DCAF6: variants seen among roughly 807,000 people sequenced by gnomAD.
DCAF6 encodes DDB1- and CUL4-associated factor 6.
In DCAF6, 54 loss-of-function variants were observed where a neutral mutation model predicts 125.1. The observed-to-expected ratio is 0.43, with a 90% CI of 0.35 to 0.54. The LOEUF (loss-of-function observed/expected upper bound fraction) is 0.54, where lower values mean the gene tolerates loss of function less well. DCAF6 is among the 20% of genes least tolerant of loss of function. DCAF6 has a pLI of 0.01. For synonymous variants in DCAF6, 371 were observed against 390.4 expected, an observed-to-expected ratio of 0.95 and a Z score of 0.58; for missense variants, 934 against 1,161.7, an observed-to-expected ratio of 0.80 and a Z score of 2.85.
At chr1:168,039,659 T>C (rs144102125) in intron 13 of DCAF6, among the ~76,000 whole-genome samples, 1,675 of 147,620 alleles carry the variant, frequency 0.011, 28 homozygotes, top group African/African-American at 0.037. Context: ...TATTAATTAT[T>C]CATAATTAAT....
chr1:168,015,990 T>C, intron 11 of DCAF6, 39 bp downstream of exon 11: 2 of 1,398,936 alleles, frequency 1.4e-6, no homozygotes, highest in South Asian at 3.2e-5. Context: ...CTGATAGAAT[T>C]GTTTTTTAAT....
At chr1:167,890,822 T>A in the DCAF6 span, among the ~76,000 whole-genome samples, 2 of 152,166 alleles carry the variant, frequency 1.3e-5, no homozygotes, top group Admixed American at 6.5e-5. Context: ...CAAAATGAAA[T>A]CAGTATTATT....
At chr1:167,920,495 C>T in the DCAF6 span, 4 of 1,576,740 alleles carry the variant, frequency 2.5e-6, no homozygotes, top group Non-Finnish European at 3.5e-6. Flanking sequence ...TAAAAGAAAA[C>T]AAAAATCATT....
the DCAF6 span, among the ~76,000 whole-genome samples, chr1:167,871,716 T>C: frequency 9.0e-4 from 137 of 152,374 alleles, no homozygotes; most frequent in Non-Finnish European, 1.5e-3. Flanking sequence ...AATTCAAGTG[T>C]AGACATTTAA....
intron 10 of DCAF6, among the ~76,000 whole-genome samples, chr1:168,005,204 C>G (rs1683183300): frequency 6.6e-6 from 1 of 152,030 alleles, no homozygotes; most frequent in South Asian, 2.1e-4. Context: ...TTATTTCCCT[C>G]AAATAATGCA....
the DCAF6 span, among the ~76,000 whole-genome samples, chr1:167,866,701 A>C: frequency 6.6e-6 from 1 of 150,736 alleles, no homozygotes; most frequent in Non-Finnish European, 1.5e-5. Flanking sequence ...GTAACTTCTA[A>C]TCTTGTGGCC....
chr1:167,952,075 T>G (rs1674039834), intron 2 of DCAF6, among the ~76,000 whole-genome samples: 1 of 152,202 alleles, frequency 6.6e-6, no homozygotes, highest in South Asian at 2.1e-4. Flanking sequence ...ATCGAAAGGC[T>G]TCCATCTCAT....
the DCAF6 span, among the ~76,000 whole-genome samples, chr1:167,915,447 C>T: frequency 1.3e-5 from 2 of 152,096 alleles, no homozygotes. Context: ...CTGGGTCTAC[C>T]TTCAATTAAT....
intron 7 of DCAF6, among the ~76,000 whole-genome samples, chr1:167,997,218 C>T (rs1387823550): frequency 6.6e-6 from 1 of 152,112 alleles, no homozygotes; most frequent in Non-Finnish European, 1.5e-5. Context: ...AGATTTTATT[C>T]TATAAATAAT....
the DCAF6 span, chr1:167,870,135 T>C: frequency 9.2e-5 from 101 of 1,103,240 alleles, no homozygotes; most frequent in Non-Finnish European, 1.3e-4. Flanking sequence ...ACAAGGGTCA[T>C]GGCATCCAAT....
chr1:168,059,343 TTCTA>T (rs1226969515), intron 17 of DCAF6, among the ~76,000 whole-genome samples: 2 of 152,232 alleles, frequency 1.3e-5, no homozygotes, highest in African/African-American at 4.8e-5. Context: ...ACAGATTTGT[TTCTA>T]GGCTCTTTTG....
intron 2 of DCAF6, among the ~76,000 whole-genome samples, chr1:167,959,350 G>T (rs1218614318): frequency 6.6e-6 from 1 of 152,192 alleles, no homozygotes; most frequent in East Asian, 1.9e-4. Flanking sequence ...TTGTGGGCAG[G>T]TGTTGGTGTG....
chr1:167,868,414 T>A, the DCAF6 span, among the ~76,000 whole-genome samples: 2 of 152,192 alleles, frequency 1.3e-5, no homozygotes, highest in African/African-American at 4.8e-5. Flanking sequence ...TCCTGTAGGA[T>A]GACTTAGTTG....
intron 13 of DCAF6, among the ~76,000 whole-genome samples, chr1:168,039,649 TATTA>T (rs1012826242): frequency 1.1e-3 from 157 of 147,774 alleles, no homozygotes; most frequent in Admixed American, 4.0e-3. Context: ...AATGACAATA[TATTA>T]ATTATTCATA....
intron 13 of DCAF6, among the ~76,000 whole-genome samples, chr1:168,039,758 G>A (rs1438073318): frequency 6.7e-6 from 1 of 148,344 alleles, no homozygotes; most frequent in African/African-American, 2.5e-5. Context: ...ATATAATATA[G>A]TTATGTATTG....
the DCAF6 span, chr1:167,903,844 G>A: frequency 1.4e-6 from 2 of 1,406,766 alleles, no homozygotes; most frequent in Non-Finnish European, 2.0e-6. Flanking sequence ...AAAAAACAAT[G>A]AATTGAAATA....
Position 167,936,711 on chromosome 1 carries a change from G to C in DCAF6, c.-201G>C. 1.7e-6 allele frequency: 1 copy of C among 584,062 alleles called. No homozygotes were observed. The highest frequency in any genetic ancestry group is 2.0e-5 in the South Asian group (1 of 49,364). The allele number at this position is 584,062 out of a possible 1,614,324, so 36.2% of individuals were successfully genotyped here. On this transcript the variant is annotated 5_prime_UTR_variant, in exon 1 of 22. Transcript: ENST00000367840. ...TGTTCTGGTTAGTCTAAGAAGGAGAGTATGAGGCGAGCTCCGGCCCGGGTG... is the reference window on the plus strand; with the variant it reads ...TGTTCTGGTTAGTCTAAGAAGGAGACTATGAGGCGAGCTCCGGCCCGGGTG...
chr1:167,912,544 T>C, the DCAF6 span, among the ~76,000 whole-genome samples: 1 of 152,240 alleles, frequency 6.6e-6, no homozygotes, highest in East Asian at 1.9e-4. Flanking sequence ...CTGAACCCTA[T>C]GCAAATCAGA....
chr1:168,004,072 T>C, intron 9 of DCAF6, 83 bp downstream of exon 9: 2 of 1,461,526 alleles, frequency 1.4e-6, no homozygotes, highest in Non-Finnish European at 1.9e-6. Context: ...ATCATGTAAA[T>C]TATACCATGT....
Sources: gnomAD v4.1 joint callset for allele counts (sites outside exome capture counted in the v4.1 genomes callset) on GRCh38, gnomAD v4.1.1 for gene constraint, MANE v1.5 for transcripts, NCBI Gene and HGNC (gene_info 2026-07-23, HGNC 2026-07-21) for gene names.